CPVL: variants seen among roughly 807,000 people sequenced by gnomAD.
CPVL encodes the protein carboxypeptidase vitellogenic like, also known as probable serine carboxypeptidase CPVL.
CPVL carries 51 observed loss-of-function variants against 63.7 expected under a neutral mutation model. That is an observed-to-expected ratio of 0.80 (90% CI 0.64 to 1.01). CPVL has a LOEUF of 1.01. CPVL is among the 50% of genes least tolerant of loss of function. CPVL has a pLI of 0.00. For synonymous variants in CPVL, 195 were observed against 206.0 expected, an observed-to-expected ratio of 0.95 and a Z score of 0.46; for missense variants, 530 against 573.1, an observed-to-expected ratio of 0.92 and a Z score of 0.77.
chr7:29,006,344 A>G (rs888660923), intron 12 of CPVL, among the ~76,000 whole-genome samples: 10 of 152,340 alleles, frequency 6.6e-5, no homozygotes, highest in Admixed American at 2.6e-4. Flanking sequence ...CTTCTTTCCA[A>G]CGTGAACCTA....
chr7:29,147,050 A>G, upstream of CPVL: 5 of 1,503,300 alleles, frequency 3.3e-6, no homozygotes, highest in Admixed American at 2.2e-5. Context: ...GTTCTGTACC[A>G]TTATACCCAT....
intron 5 of CPVL, among the ~76,000 whole-genome samples, chr7:29,154,229 G>C (rs1419468044): frequency 2.0e-5 from 3 of 152,172 alleles, no homozygotes; most frequent in Non-Finnish European, 4.4e-5. Flanking sequence ...GCAGACAGAG[G>C]AGGGGCCCCA....
At chr7:29,151,013 C>G (rs921862590), upstream of CPVL, among the ~76,000 whole-genome samples, 2 of 152,148 alleles carry the variant, frequency 1.3e-5, no homozygotes, top group Admixed American at 6.5e-5. Context: ...TGCACCTCAG[C>G]TATAAGCATT....
At chr7:29,124,691 T>C (rs957757812) in intron 1 of CPVL, among the ~76,000 whole-genome samples, 27 of 152,112 alleles carry the variant, frequency 1.8e-4, no homozygotes, top group African/African-American at 6.3e-4. Context: ...AAAATGATTC[T>C]ACTAAGAATG....
chr7:29,134,353 C>A (rs1361478962), intron 1 of CPVL, among the ~76,000 whole-genome samples: 2 of 152,178 alleles, frequency 1.3e-5, no homozygotes, highest in Non-Finnish European at 2.9e-5. Flanking sequence ...CTGACAAATC[C>A]CTTCAACACA....
chr7:28,995,712 GTTTTT>G lies in CPVL; in HGVS notation c.*55_*59del. On this transcript the variant is annotated 3_prime_UTR_variant, in exon 13 of 13. Transcript: ENST00000265394. ...TTTTTTTATTCCTATGACATTTTCT[GTTTTT>G]ACGATTTTCTTTTCAGCAATGAAAA... The G allele has an allele frequency of 1.0e-6, 1 of 1,000,974 alleles. No individual in the cohort carries two copies. Among genetic ancestry groups the G allele is most frequent in the Non-Finnish European group, 1.5e-6 (1 of 661,012 alleles). The allele number at this position is 1,000,974 out of a possible 1,614,324, so 62.0% of individuals were successfully genotyped here.
intron 6 of CPVL, among the ~76,000 whole-genome samples, chr7:29,088,933 C>T (rs1785490982): frequency 6.6e-6 from 1 of 152,160 alleles, no homozygotes; most frequent in African/African-American, 2.4e-5. Context: ...CGAGATCACG[C>T]CACTGCACTC....
At chr7:29,091,000 G>A (rs1343434826) in intron 6 of CPVL, among the ~76,000 whole-genome samples, 4 of 152,190 alleles carry the variant, frequency 2.6e-5, no homozygotes, top group Middle Eastern at 3.2e-3. Flanking sequence ...CTGGAGAGCT[G>A]GAGAGAAGAA....
chr7:29,089,737 A>G (rs768034981), intron 6 of CPVL, among the ~76,000 whole-genome samples: 3 of 152,232 alleles, frequency 2.0e-5, no homozygotes, highest in Non-Finnish European at 2.9e-5. Context: ...TTTAAATACA[A>G]CTGCAAAATT....
intron 12 of CPVL, among the ~76,000 whole-genome samples, chr7:29,004,896 C>CTTTTTTTTTTTTTTTTTTT (rs555443117): frequency 6.9e-6 from 1 of 144,852 alleles, no homozygotes; most frequent in African/African-American, 2.6e-5. Context: ...TTTTTCTTTT[C>CTTTTTTTTTTTTTTTTTTT]TTTTCTTTTT....
intron 12 of CPVL, among the ~76,000 whole-genome samples, chr7:29,001,621 C>T (rs1784645603): frequency 6.6e-6 from 1 of 152,188 alleles, no homozygotes; most frequent in East Asian, 1.9e-4. Context: ...GAGATCAAGG[C>T]TGGGAGTTGC....
At position 29,092,700 on chromosome 7, in the gene CPVL, C is replaced by T. The variant is rs183599412; in HGVS notation, c.465G>A (p.Val155=). 1 of 1,611,354 alleles carries T rather than the reference C, an allele frequency of 6.2e-7. No individual in the cohort carries two copies. Among genetic ancestry groups the T allele is most frequent in the East Asian group, 2.2e-5 (1 of 44,850 alleles). ...TLSMLYIDNP[V]GTGFSFTDDT... ...CATCAGTAAAACTGAAGCCTGTGCC[C>T]ACCTGCAGGAGAAATAAACACGCAG... The change falls in exon 6 of 13, where the codon GTG becomes GTA. Residue 155 remains valine, a splice_region_variant and synonymous_variant. Transcript: ENST00000265394.
intron 5 of CPVL, among the ~76,000 whole-genome samples, chr7:29,152,206 T>C (rs2128693961): frequency 6.6e-6 from 1 of 152,312 alleles, no homozygotes; most frequent in African/African-American, 2.4e-5. Flanking sequence ...TATTTCTTGG[T>C]AGGAATGCTC....
intron 3 of CPVL, among the ~76,000 whole-genome samples, chr7:29,107,379 T>C (rs1441934615): frequency 6.6e-6 from 1 of 152,024 alleles, no homozygotes; most frequent in Non-Finnish European, 1.5e-5. Context: ...TGATTTGGAG[T>C]TACTGGATAT....
chr7:29,020,208 A>G (rs1786820869), intron 12 of CPVL, among the ~76,000 whole-genome samples: 1 of 152,192 alleles, frequency 6.6e-6, no homozygotes, highest in African/African-American at 2.4e-5. Context: ...GGGATATAAA[A>G]TAACAGGTGG....
chr7:29,187,856 T>G (rs1163587726), intron 1 of CPVL, among the ~76,000 whole-genome samples: 1 of 152,248 alleles, frequency 6.6e-6, no homozygotes, highest in African/African-American at 2.4e-5. Context: ...ATAACATTAT[T>G]GTTGGGCATA....
At chr7:29,073,850 T>C (rs1183857954) in intron 7 of CPVL, among the ~76,000 whole-genome samples, 1 of 152,218 alleles carries the variant, frequency 6.6e-6, no homozygotes, top group African/African-American at 2.4e-5. Flanking sequence ...GCTCAATAAA[T>C]AGTTGTTGAA....
At chr7:29,189,457 C>T (rs1799130079) in intron 1 of CPVL, among the ~76,000 whole-genome samples, 1 of 152,080 alleles carries the variant, frequency 6.6e-6, no homozygotes, top group African/African-American at 2.4e-5. Flanking sequence ...ACACGAAAAA[C>T]AAACTCACTC....
chr7:29,058,068 A>G (rs1790919241), intron 11 of CPVL, among the ~76,000 whole-genome samples: 1 of 152,074 alleles, frequency 6.6e-6, no homozygotes, highest in Non-Finnish European at 1.5e-5. Context: ...AATGTTACTG[A>G]GATTTTGATT....
Sources: gnomAD v4.1 joint callset for allele counts (sites outside exome capture counted in the v4.1 genomes callset) on GRCh38, gnomAD v4.1.1 for gene constraint, MANE v1.5 for transcripts, NCBI Gene and HGNC (gene_info 2026-07-23, HGNC 2026-07-21) for gene names.